PLXNA2: variants seen among roughly 807,000 people sequenced by gnomAD.
PLXNA2 encodes the protein plexin-A2.
A neutral mutation model predicts 193.5 loss-of-function variants in PLXNA2; 91 were observed. The ratio of observed to expected loss-of-function variants is 0.47; its 90% CI spans 0.40 to 0.56. PLXNA2 has a LOEUF of 0.56. Ranked by LOEUF, PLXNA2 falls within the 20% of genes least tolerant of loss-of-function variation. The probability of loss-of-function intolerance (pLI) is 0.00; values close to 1 mark genes in which losing one functional copy is unlikely to be tolerated. For synonymous variants in PLXNA2, 997 were observed against 1,027.3 expected (o/e 0.97, Z 0.56); for missense variants, 1,995 against 2,503.2 (o/e 0.80, Z 4.33).
At chr1:208,055,413 G>A (rs1665398962) in intron 13 of PLXNA2, among the ~76,000 whole-genome samples, 2 of 152,190 alleles carry the variant, frequency 1.3e-5, no homozygotes, top group Admixed American at 6.5e-5. Context: ...AGCTGAGGAT[G>A]GGGAGAGATG....
intron 3 of PLXNA2, chr1:208,209,944 T>C: frequency 4.3e-6 from 1 of 231,734 alleles, no homozygotes; most frequent in Admixed American, 5.6e-5. Context: ...ATGCACATAA[T>C]CAAAAACTTA....
Position 208,210,400 on chromosome 1 carries a change from A to G in PLXNA2, c.1251T>C (p.Thr417=). The change falls in exon 3 of 32, where the codon ACT becomes ACC. Residue 417 remains threonine (T), a synonymous_variant. Coordinates refer to ENST00000367033, the MANE Select transcript of PLXNA2 (RefSeq NM_025179.4). ...LDINQPLGGS[T]PVEGLTLYTT... Reference sequence around the variant, plus strand: ...TGTACAGGGTCAGGCCCTCCACTGGAGTTGAGCCTCCCAGGGGCTGGTTGA... The same window carrying G: ...TGTACAGGGTCAGGCCCTCCACTGGGGTTGAGCCTCCCAGGGGCTGGTTGA... 1.2e-6 allele frequency: 2 copies of G among 1,613,946 alleles called. No homozygotes were observed. The highest frequency in any genetic ancestry group is 1.7e-6 in the Non-Finnish European group (2 of 1,179,988).
At chr1:208,230,659 T>C (rs1671662098) in intron 1 of PLXNA2, among the ~76,000 whole-genome samples, 1 of 152,218 alleles carries the variant, frequency 6.6e-6, no homozygotes, top group Non-Finnish European at 1.5e-5. Context: ...TTTCTTTCTC[T>C]CTAGTGCTTT....
Position 208,057,564 on chromosome 1 carries a change from ACCT to A in PLXNA2, c.2739-3029_2739-3027del, listed in dbSNP as rs1314141894. ...CATAGGCAGTGGTGTGTGCACCACC[ACCT>A]CCTTCAAGCCTTGCAAGTCAGCAAG... On this transcript the variant is annotated intron_variant, in intron 13 of 31. Transcript: ENST00000367033. Among the ~76,000 whole-genome samples, 4 of 151,758 alleles carry A rather than the reference ACCT, an allele frequency of 2.6e-5. No homozygotes were observed. In the East Asian group the frequency reaches 5.8e-4, roughly 22 times the overall value.
At chr1:208,140,383 G>C (rs1404460884) in intron 4 of PLXNA2, among the ~76,000 whole-genome samples, 1 of 152,096 alleles carries the variant, frequency 6.6e-6, no homozygotes, top group East Asian at 1.9e-4. Flanking sequence ...TACCTTCTCG[G>C]TCCCACTAAG....
intron 12 of PLXNA2, among the ~76,000 whole-genome samples, chr1:208,064,697 C>G (rs915943068): frequency 6.6e-6 from 1 of 152,194 alleles, no homozygotes; most frequent in African/African-American, 2.4e-5. Flanking sequence ...GTGTTGGGCC[C>G]GGGAAGCAAG....
chr1:208,234,779 T>C (rs1671801764), intron 1 of PLXNA2, among the ~76,000 whole-genome samples: 1 of 151,994 alleles, frequency 6.6e-6, no homozygotes, highest in South Asian at 2.1e-4. Flanking sequence ...GACAAGAGAC[T>C]GGAAAGAAAA....
At chr1:208,181,792 G>A (rs552651357) in intron 3 of PLXNA2, among the ~76,000 whole-genome samples, 14 of 152,230 alleles carry the variant, frequency 9.2e-5, no homozygotes, top group African/African-American at 1.7e-4. Context: ...GCGGAATACA[G>A]AGCGATAGGA....
Position 208,023,423 on chromosome 1 carries a change from G to T in PLXNA2, c.*3820C>A, listed in dbSNP as rs12031491. The T allele has an allele frequency of 0.032, 4,950 of 152,770 alleles. 192 individuals carry two copies. The highest frequency in any genetic ancestry group is 0.21 in the East Asian group (1,069 of 5,178). 9.5% of individuals were successfully genotyped at this position (152,770 alleles called of 1,614,324 possible). On this transcript the variant is annotated 3_prime_UTR_variant, in exon 32 of 32. Transcript: ENST00000367033. ...ATTTGTTCTGCCCAGGCCATTCTTC[G>T]TCCAGCACTCATCCATTGCTTCTGT...
intron 12 of PLXNA2, among the ~76,000 whole-genome samples, chr1:208,071,508 A>G (rs2478816): frequency 0.84 from 127,561 of 152,214 alleles, 53,723 homozygotes; most frequent in Non-Finnish European, 0.88. Flanking sequence ...TTTCCACTTG[A>G]AGTGTATGTG....
chr1:208,030,113 C>T (rs933828343), intron 29 of PLXNA2: 5 of 985,434 alleles, frequency 5.1e-6, no homozygotes, highest in Admixed American at 6.1e-5. Context: ...ATGATTTCTG[C>T]CTATCTTCCA....
intron 10 of PLXNA2, among the ~76,000 whole-genome samples, chr1:208,083,030 C>A (rs896059794): frequency 6.6e-6 from 1 of 152,182 alleles, no homozygotes; most frequent in Admixed American, 6.5e-5. Flanking sequence ...GTCCATGTGT[C>A]TCCAGAGGCA....
chr1:208,111,584 T>C (rs1667477726), intron 4 of PLXNA2, among the ~76,000 whole-genome samples: 1 of 152,128 alleles, frequency 6.6e-6, no homozygotes, highest in African/African-American at 2.4e-5. Flanking sequence ...CTCATCTCCT[T>C]ATTTTGAGAT....
intron 2 of PLXNA2, among the ~76,000 whole-genome samples, chr1:208,214,183 A>G (rs1166441700): frequency 6.6e-6 from 1 of 152,138 alleles, no homozygotes; most frequent in Non-Finnish European, 1.5e-5. Context: ...CAACAGTAAG[A>G]TAACTAAGAA....
At chr1:208,093,566 C>T (rs1666780924) in intron 8 of PLXNA2, among the ~76,000 whole-genome samples, 1 of 152,184 alleles carries the variant, frequency 6.6e-6, no homozygotes, top group South Asian at 2.1e-4. Flanking sequence ...GTATTATTGT[C>T]AAGCGCTTAA....
At position 208,098,452 on chromosome 1, in the gene PLXNA2, TCTCTCTCACA is replaced by T. The variant is rs1440172258; in HGVS notation, c.1731+384_1731+393del. On this transcript the variant is annotated intron_variant, in intron 6 of 31. Coordinates refer to ENST00000367033, the MANE Select transcript of PLXNA2 (RefSeq NM_025179.4). ...TCTTTCCTCTCTCTCTCTCTCTCTC[TCTCTCTCACA>T]CACACACACACACACACACACACAC... Among the ~76,000 whole-genome samples, 546 of 120,790 alleles carry T rather than the reference TCTCTCTCACA, an allele frequency of 4.5e-3. 4 individuals carry two copies. Among genetic ancestry groups the T allele is most frequent in the African/African-American group, 0.013 (454 of 33,900 alleles). The allele number at this position is 120,790 out of a possible 152,430, so 79.2% of individuals were successfully genotyped here. A position where few individuals can be genotyped will look rare whatever the true frequency, so the allele number is the denominator to read the frequency against.
intron 3 of PLXNA2, among the ~76,000 whole-genome samples, chr1:208,185,696 C>CAAAAAAAAAAAAAAAAAAAAAAAAA (rs56384277): frequency 8.7e-5 from 5 of 57,260 alleles, no homozygotes; most frequent in Non-Finnish European, 1.2e-4. Flanking sequence ...TCTCTGAAAG[C>CAAAAAAAAAAAAAAAAAAAAAAAAA]AAAAAAAAAA....
chr1:208,040,060 TG>T lies in PLXNA2; in HGVS notation c.4287-3del. ...ATCTTTTCAGCCACAGACTCTGTCCTGGGGAAGGGACAAAGGGTAAGGGGCA... is the reference window on the plus strand; with the variant it reads ...ATCTTTTCAGCCACAGACTCTGTCCTGGGAAGGGACAAAGGGTAAGGGGCA... On this transcript the variant is annotated splice_polypyrimidine_tract_variant and splice_region_variant and intron_variant, in intron 22 of 31. Transcript: ENST00000367033. 1 of 1,613,684 alleles carries T rather than the reference TG, an allele frequency of 6.2e-7. No homozygotes were observed. The highest frequency in any genetic ancestry group is 8.5e-7 in the Non-Finnish European group (1 of 1,179,680).
At chr1:208,162,344 T>C (rs1196993571) in intron 3 of PLXNA2, among the ~76,000 whole-genome samples, 1 of 152,184 alleles carries the variant, frequency 6.6e-6, no homozygotes, top group Non-Finnish European at 1.5e-5. Flanking sequence ...GCAGGAGAGA[T>C]GTGAGCTAGA....
Sources: gnomAD v4.1 joint callset for allele counts (sites outside exome capture counted in the v4.1 genomes callset) on GRCh38, gnomAD v4.1.1 for gene constraint, MANE v1.5 for transcripts, NCBI Gene and HGNC (gene_info 2026-07-23, HGNC 2026-07-21) for gene names.